BBS9: variants seen among roughly 807,000 people sequenced by gnomAD.
The protein encoded by BBS9 is protein PTHB1.
BBS9 carries 89 observed loss-of-function variants against 117.7 expected under a neutral mutation model. The observed-to-expected ratio is 0.76, with a 90% CI of 0.64 to 0.90. The LOEUF is 0.90. BBS9 is among the 40% of genes least tolerant of loss of function. The pLI is 0.00. For synonymous variants in BBS9, 379 were observed against 370.9 expected (o/e 1.02, Z -0.25); for missense variants, 982 against 1,042.2 (o/e 0.94, Z 0.80).
intron 21 of BBS9, among the ~76,000 whole-genome samples, chr7:33,613,679 G>A (rs916225964): frequency 7.9e-5 from 12 of 151,640 alleles, no homozygotes; most frequent in African/African-American, 4.8e-5. Flanking sequence ...CAACATACAC[G>A]AAAAAAAATT....
chr7:33,166,364 T>A (rs1368635566), intron 4 of BBS9, among the ~76,000 whole-genome samples: 2 of 152,232 alleles, frequency 1.3e-5, no homozygotes, highest in Non-Finnish European at 2.9e-5. Context: ...TAAAACACCA[T>A]GCTGGGAGAA....
chr7:33,233,812 A>T (rs981202019), intron 5 of BBS9, among the ~76,000 whole-genome samples: 4 of 152,180 alleles, frequency 2.6e-5, no homozygotes, highest in Admixed American at 2.0e-4. Flanking sequence ...ACTATAGGTT[A>T]TATGACTGGG....
chr7:33,262,122 C>T (rs1419703912), intron 6 of BBS9, among the ~76,000 whole-genome samples: 1 of 152,070 alleles, frequency 6.6e-6, no homozygotes, highest in Non-Finnish European at 1.5e-5. Flanking sequence ...ATTTTACTGT[C>T]AAGTTTAAGT....
At chr7:33,628,487 T>A (rs960443301) in intron 21 of BBS9, among the ~76,000 whole-genome samples, 2 of 152,236 alleles carry the variant, frequency 1.3e-5, no homozygotes, top group African/African-American at 4.8e-5. Flanking sequence ...GAGCATTTGA[T>A]GAAATTCAGT....
chr7:33,199,998 T>TATTA (rs1235635979), intron 5 of BBS9, among the ~76,000 whole-genome samples: 2 of 152,080 alleles, frequency 1.3e-5, no homozygotes, highest in Non-Finnish European at 2.9e-5. Flanking sequence ...TACTCTCTAA[T>TATTA]ATGAGTCACT....
At chr7:33,314,110 T>C (rs1001405324) in intron 9 of BBS9, 1 of 230,762 alleles carries the variant, frequency 4.3e-6, no homozygotes, top group Non-Finnish European at 8.8e-6. Context: ...GCTAAACATA[T>C]GCAGGTAATT....
chr7:33,379,852 A>C (rs1012910212), intron 17 of BBS9: 2 of 152,262 alleles, frequency 1.3e-5, no homozygotes, highest in South Asian at 4.1e-4. Context: ...ATATTAAAGC[A>C]GAAATTTCAG....
chr7:33,130,484 A>C (rs1172728803), intron 1 of BBS9, among the ~76,000 whole-genome samples: 1 of 152,218 alleles, frequency 6.6e-6, no homozygotes, highest in Non-Finnish European at 1.5e-5. Context: ...CTGCCAGTCA[A>C]ATCCTGCCTT....
In BBS9 at chr7:33,257,378, T is replaced by G. The variant is rs1797251873; in HGVS notation, c.585T>G (p.Thr195=). The part of the protein sequence containing the change: ...AYSSRTDSFL[T]VSSCQQVESY... ...GTTCCCGTACAGATTCCTTCCTTAC[T>G]GTCTCTTCCTGCCAACAAGTGGAAA... The change falls in exon 6 of 23, where the codon ACT becomes ACG. Residue 195 remains threonine, a synonymous_variant. Coordinates refer to ENST00000242067, the MANE Select transcript of BBS9 (RefSeq NM_198428.3). 1 of 1,613,962 alleles carries G rather than the reference T, an allele frequency of 6.2e-7. No homozygotes were observed. Among genetic ancestry groups the G allele is most frequent in the Non-Finnish European group, 8.5e-7 (1 of 1,179,892 alleles).
chr7:33,317,052 A>T (rs181037732), intron 9 of BBS9, among the ~76,000 whole-genome samples: 21 of 152,238 alleles, frequency 1.4e-4, no homozygotes, highest in African/African-American at 5.1e-4. Context: ...GTATAATGTG[A>T]GGCTTATTTT....
intron 16 of BBS9, among the ~76,000 whole-genome samples, chr7:33,364,961 T>C (rs1821386372): frequency 6.6e-6 from 1 of 151,822 alleles, no homozygotes; most frequent in Non-Finnish European, 1.5e-5. Flanking sequence ...ACTGCTGAGC[T>C]CAAATGATGT....
intron 5 of BBS9, among the ~76,000 whole-genome samples, chr7:33,209,636 C>T (rs1188808005): frequency 6.6e-6 from 1 of 152,172 alleles, no homozygotes; most frequent in African/African-American, 2.4e-5. Flanking sequence ...TTGTATGTGT[C>T]TAGGAATTTA....
intron 20 of BBS9, among the ~76,000 whole-genome samples, chr7:33,526,428 C>CT (rs1039316164): frequency 1.3e-5 from 2 of 152,108 alleles, no homozygotes; most frequent in Non-Finnish European, 2.9e-5. Context: ...TCCCATATTT[C>CT]TTGGAGGCTT....
At chr7:33,435,489 T>C (rs1219071005) in intron 19 of BBS9, among the ~76,000 whole-genome samples, 1 of 151,218 alleles carries the variant, frequency 6.6e-6, no homozygotes, top group Non-Finnish European at 1.5e-5. Context: ...CTTATCCTTG[T>C]ATGTAAAATA....
chr7:33,629,567 T>C (rs1865792645), intron 21 of BBS9, among the ~76,000 whole-genome samples: 1 of 152,130 alleles, frequency 6.6e-6, no homozygotes, highest in Non-Finnish European at 1.5e-5. Context: ...CAGCCCTTTG[T>C]GTGCTGACTA....
intron 5 of BBS9, 57 bp downstream of exon 5, chr7:33,177,648 G>C (rs1562741961): frequency 8.0e-7 from 1 of 1,251,158 alleles, no homozygotes; most frequent in Non-Finnish European, 1.2e-6. Context: ...AGAATATTTG[G>C]TCATATAAAA....
intron 19 of BBS9, among the ~76,000 whole-genome samples, chr7:33,468,517 C>A (rs1037279273): frequency 2.0e-5 from 3 of 152,134 alleles, no homozygotes; most frequent in African/African-American, 7.2e-5. Flanking sequence ...TTTATCATTT[C>A]TTTGTGTTGA....
intron 19 of BBS9, among the ~76,000 whole-genome samples, chr7:33,445,341 A>G (rs1205036858): frequency 1.3e-5 from 2 of 152,340 alleles, no homozygotes; most frequent in East Asian, 1.9e-4. Context: ...TGCTCTGCTC[A>G]TAATCCCTTT....
chr7:33,352,933 A>T, intron 15 of BBS9, 60 bp downstream of exon 15: 2 of 1,526,134 alleles, frequency 1.3e-6, no homozygotes, highest in East Asian at 4.5e-5. Context: ...GATGAATTGA[A>T]TTGGTATTAT....
Sources: allele counts gnomAD v4.1 joint callset (sites outside exome capture counted in the v4.1 genomes callset), GRCh38; gene constraint gnomAD v4.1.1; transcripts MANE v1.5; gene names NCBI Gene and HGNC (gene_info 2026-07-23, HGNC 2026-07-21).